ARHGEF28: variants seen among roughly 807,000 people sequenced by gnomAD.
The protein encoded by ARHGEF28 is Rho guanine nucleotide exchange factor 28, also known as 190 kDa guanine nucleotide exchange factor.
In ARHGEF28, 152 loss-of-function variants were observed where a neutral mutation model predicts 206.6. That is an observed-to-expected ratio of 0.74 (90% confidence interval 0.64 to 0.84). The LOEUF (loss-of-function observed/expected upper bound fraction) is 0.84. ARHGEF28 is among the 40% of genes least tolerant of loss of function. The pLI, the probability that ARHGEF28 is intolerant of heterozygous loss-of-function variation, is 0.00. For synonymous variants in ARHGEF28, 763 were observed against 776.4 expected, an observed-to-expected ratio of 0.98 and a Z score of 0.29; for missense variants, 2,028 against 2,073.2, an observed-to-expected ratio of 0.98 and a Z score of 0.42.
At position 73,726,980 on chromosome 5, in the gene ARHGEF28, C is replaced by T. The variant is rs1243589390; in HGVS notation, c.34-22857C>T. Among the ~76,000 whole-genome samples the T allele has an allele frequency of 2.0e-5, 3 of 152,276 alleles. No homozygotes were observed. In the South Asian group the frequency reaches 6.2e-4, roughly 32 times the overall value. On this transcript the variant is annotated intron_variant, in intron 2 of 35. Coordinates refer to ENST00000513042, the MANE Select transcript of ARHGEF28 (RefSeq NM_001177693.2). ...AAAAGAAAGTATGTAAACCAGATTT[C>T]TAATGGTTTTTATAACTGTTCTGAA...
intron 30 of ARHGEF28, 54 bp downstream of exon 30, chr5:73,898,147 A>ACAGC: frequency 6.3e-7 from 1 of 1,582,898 alleles, no homozygotes; most frequent in East Asian, 2.3e-5. Context: ...CCTGGAGCTT[A>ACAGC]CAGTGGTCAC....
At chr5:73,810,474 T>G (rs948643529) in intron 9 of ARHGEF28, among the ~76,000 whole-genome samples, 8 of 152,154 alleles carry the variant, frequency 5.3e-5, no homozygotes, top group African/African-American at 1.7e-4. Flanking sequence ...TCTCTCTCTT[T>G]GTCTATATTG....
chr5:73,643,734 G>A (rs1445592713), intron 1 of ARHGEF28, among the ~76,000 whole-genome samples: 1 of 150,576 alleles, frequency 6.6e-6, no homozygotes, highest in Non-Finnish European at 1.5e-5. Flanking sequence ...AGGATCGCTT[G>A]CACCCAGGAG....
intron 11 of ARHGEF28, among the ~76,000 whole-genome samples, chr5:73,842,002 T>C (rs1404937878): frequency 6.6e-6 from 1 of 152,244 alleles, no homozygotes; most frequent in Non-Finnish European, 1.5e-5. Flanking sequence ...TAAAAACTCA[T>C]TGAAATGATA....
intron 23 of ARHGEF28, among the ~76,000 whole-genome samples, chr5:73,882,868 G>T (rs1761041937): frequency 6.6e-6 from 1 of 152,072 alleles, no homozygotes; most frequent in African/African-American, 2.4e-5. Context: ...TTCATGCCAA[G>T]TTATATATCA....
At chr5:73,848,489 A>G (rs571700753) in intron 12 of ARHGEF28, among the ~76,000 whole-genome samples, 1 of 152,200 alleles carries the variant, frequency 6.6e-6, no homozygotes, top group Admixed American at 6.5e-5. Flanking sequence ...TGCAGCTAAC[A>G]TTATAAACTT....
intron 2 of ARHGEF28, among the ~76,000 whole-genome samples, chr5:73,736,213 CA>C (rs1750922214): frequency 6.6e-6 from 1 of 152,228 alleles, no homozygotes; most frequent in South Asian, 2.1e-4. Flanking sequence ...CTTAAGACTT[CA>C]CTGTGGAGTT....
intron 9 of ARHGEF28, among the ~76,000 whole-genome samples, chr5:73,814,402 C>T (rs567491083): frequency 6.6e-6 from 1 of 151,998 alleles, no homozygotes; most frequent in East Asian, 1.9e-4. Flanking sequence ...GTAGTGTGGG[C>T]CATGGAAACA....
chr5:73,634,467 C>T (rs769666438), intron 1 of ARHGEF28, among the ~76,000 whole-genome samples: 4 of 152,168 alleles, frequency 2.6e-5, no homozygotes, highest in Non-Finnish European at 5.9e-5. Context: ...GCTTTTTCTT[C>T]GAGGTCCTCA....
chr5:73,706,073 T>A (rs1748911818), intron 2 of ARHGEF28, among the ~76,000 whole-genome samples: 1 of 152,174 alleles, frequency 6.6e-6, no homozygotes, highest in African/African-American at 2.4e-5. Context: ...TGAGTGGAGC[T>A]GAGCCAGAGA....
chr5:73,926,496 C>A (rs601308), intron 35 of ARHGEF28, among the ~76,000 whole-genome samples: 1 of 152,180 alleles, frequency 6.6e-6, no homozygotes, highest in Non-Finnish European at 1.5e-5. Context: ...TCATCCCCCC[C>A]TACCCTTTGG....
intron 9 of ARHGEF28, among the ~76,000 whole-genome samples, chr5:73,819,240 G>A (rs1326753114): frequency 6.6e-6 from 1 of 152,166 alleles, no homozygotes; most frequent in Non-Finnish European, 1.5e-5. Flanking sequence ...GCGCTGGCCT[G>A]GATGGTTAGT....
intron 30 of ARHGEF28, chr5:73,898,483 C>T (rs756986565): frequency 6.3e-6 from 1 of 157,964 alleles, no homozygotes; most frequent in Non-Finnish European, 1.4e-5. Context: ...GCCCTTAAAC[C>T]TAATCTCATG....
At chr5:73,804,227 C>T (rs909720742) in intron 9 of ARHGEF28, among the ~76,000 whole-genome samples, 2 of 151,880 alleles carry the variant, frequency 1.3e-5, no homozygotes, top group Non-Finnish European at 2.9e-5. Flanking sequence ...CAGATAGATT[C>T]ATCTGCCACA....
At chr5:73,717,165 A>G (rs1420692829) in intron 2 of ARHGEF28, among the ~76,000 whole-genome samples, 2 of 152,246 alleles carry the variant, frequency 1.3e-5, no homozygotes, top group Non-Finnish European at 1.5e-5. Context: ...TTCCACAGTG[A>G]TAGTTTGTAG....
At chr5:73,703,894 T>C (rs115864847) in intron 2 of ARHGEF28, among the ~76,000 whole-genome samples, 2,014 of 151,376 alleles carry the variant, frequency 0.013, 16 homozygotes, top group South Asian at 0.021. Flanking sequence ...AAATGTGACG[T>C]GCGCCTGTAG....
intron 35 of ARHGEF28, among the ~76,000 whole-genome samples, chr5:73,914,392 T>C (rs900684686): frequency 2.7e-5 from 1 of 37,648 alleles, no homozygotes; most frequent in South Asian, 5.4e-4. Context: ...TCTGAATTGC[T>C]TTTTTTTTTT....
At chr5:73,736,522 T>C (rs1455842874) in intron 2 of ARHGEF28, among the ~76,000 whole-genome samples, 1 of 152,214 alleles carries the variant, frequency 6.6e-6, no homozygotes, top group Non-Finnish European at 1.5e-5. Flanking sequence ...TGGTACTTGG[T>C]ACATTCAAAT....
chr5:73,679,179 T>C (rs945906850), intron 1 of ARHGEF28, among the ~76,000 whole-genome samples: 2 of 152,250 alleles, frequency 1.3e-5, no homozygotes, highest in Middle Eastern at 3.2e-3. Flanking sequence ...TCCAAAAATT[T>C]ACAGAATGCC....
Sources: allele counts gnomAD v4.1 joint callset (sites outside exome capture counted in the v4.1 genomes callset), GRCh38; gene constraint gnomAD v4.1.1; transcripts MANE v1.5; gene names NCBI Gene and HGNC (gene_info 2026-07-23, HGNC 2026-07-21).